The following DNMT3A variants were observed in gnomAD, a reference collection of about 807,000 sequenced individuals.
DNMT3A encodes the protein DNA (cytosine-5)-methyltransferase 3A.
DNMT3A carries 267 observed loss-of-function variants against 117.6 expected under a neutral mutation model. The ratio of observed to expected loss-of-function variants is 2.27; its 90% CI spans 2.05 to 2.51. DNMT3A has a LOEUF of 2.51. Among genes scored for constraint, DNMT3A ranks in the 30% most tolerant of loss-of-function variants. The pLI is 0.00. For synonymous variants in DNMT3A, 432 were observed against 474.8 expected (o/e 0.91, Z 1.17); for missense variants, 1,029 against 1,260.2 (o/e 0.82, Z 2.78).
intron 1 of DNMT3A, among the ~76,000 whole-genome samples, chr2:25,332,286 C>T (rs1166532504): frequency 2.6e-5 from 4 of 152,226 alleles, no homozygotes; most frequent in Admixed American, 6.5e-5. Context: ...CAGAAAGTGC[C>T]GTCGTCCACC....
chr2:25,261,438 CA>C (rs1299589500), intron 6 of DNMT3A, among the ~76,000 whole-genome samples: 501 of 30,122 alleles, frequency 0.017, 1 homozygote, highest in African/African-American at 0.053. Context: ...GACTCTGTCT[CA>C]AAAAAAAAAA....
intron 6 of DNMT3A, 63 bp from the exon 7 acceptor site, chr2:25,248,315 A>G (rs1675108916): frequency 6.5e-7 from 1 of 1,546,100 alleles, no homozygotes. Flanking sequence ...GCCACCTGAC[A>G]CTCAAGGGGA....
chr2:25,287,167 C>T (rs1416672143), intron 3 of DNMT3A, among the ~76,000 whole-genome samples: 1 of 152,158 alleles, frequency 6.6e-6, no homozygotes, highest in Non-Finnish European at 1.5e-5. Context: ...CACAGCACAC[C>T]CCCGAGATAC....
At chr2:25,321,450 C>A (rs1165417112) in intron 1 of DNMT3A, among the ~76,000 whole-genome samples, 4 of 152,194 alleles carry the variant, frequency 2.6e-5, no homozygotes, top group African/African-American at 7.2e-5. Context: ...ACACTGGGCC[C>A]ACCCAGATAA....
chr2:25,335,133 T>C (rs1399357705), intron 1 of DNMT3A, among the ~76,000 whole-genome samples: 1 of 152,228 alleles, frequency 6.6e-6, no homozygotes, highest in East Asian at 1.9e-4. Flanking sequence ...GATTACACTA[T>C]GAACTTTTTT....
chr2:25,247,691 C>T lies in DNMT3A; in HGVS notation c.914G>A (p.Trp305Ter), dbSNP rs765341003. 5.0e-6 allele frequency: 8 copies of T among 1,613,714 alleles called. No homozygotes were observed. The highest frequency in any genetic ancestry group is 1.3e-5 in the African/African-American group (1 of 74,894). The change falls in exon 8 of 23, where the codon TGG (tryptophan) becomes TAG (stop). Residue 305 changes from tryptophan (W) to a stop codon, truncating the protein, a stop_gained. Coordinates refer to ENST00000321117, the MANE Select transcript of DNMT3A (RefSeq NM_022552.5). LOFTEE classifies it high-confidence loss of function. This position sits in a 1 kb window ranked among gnomAD's most constrained non-coding sequence, Gnocchi z 5.6. ...LVWGKLRGFS[W>*]WPGRIVSWWM... ...CCAAGACACAATGCGGCCTGGCCAC[C>T]AGGAGAAGCCCCGCAGTTTCCCCCA...
chr2:25,248,407 A>G lies in DNMT3A; in HGVS notation c.640-155T>C, dbSNP rs537321320. On this transcript the variant is annotated intron_variant, in intron 6 of 22. Coordinates refer to ENST00000321117, the MANE Select transcript of DNMT3A (RefSeq NM_022552.5). ...CCAGCTGCCTTGCCGTGAAAAATGG[A>G]AAGACTTGAAGTAGAGAGGTGAACT... Among the ~76,000 whole-genome samples, 461 of 152,292 alleles carry G rather than the reference A, an allele frequency of 3.0e-3. 3 individuals carry two copies. The highest frequency in any genetic ancestry group is 0.011 in the African/African-American group (442 of 41,554).
chr2:25,232,971 A>C lies in DNMT3A; in HGVS notation c.*1308T>G, dbSNP rs1483812737. On this transcript the variant is annotated 3_prime_UTR_variant, in exon 23 of 23. Coordinates refer to ENST00000321117, the MANE Select transcript of DNMT3A (RefSeq NM_022552.5). This position sits in a 1 kb window ranked among gnomAD's most constrained non-coding sequence, Gnocchi z 4.1. ...CAAAAGGCGACTTAGACAGGAAAGC[A>C]CCAGTACGTTTTGTATGTTTTTTTA... The C allele has an allele frequency of 4.3e-6, 1 of 232,764 alleles. No individual in the cohort carries two copies. Among genetic ancestry groups the C allele is most frequent in the Non-Finnish European group, 8.5e-6 (1 of 117,774 alleles). The allele number at this position is 232,764 out of a possible 1,614,324, so 14.4% of individuals were successfully genotyped here. A position where few individuals can be genotyped will look rare whatever the true frequency, so the allele number is the denominator to read the frequency against.
At chr2:25,291,256 T>G (rs1477643842) in intron 3 of DNMT3A, among the ~76,000 whole-genome samples, 1 of 152,242 alleles carries the variant, frequency 6.6e-6, no homozygotes, top group Non-Finnish European at 1.5e-5. Flanking sequence ...AACAGCTGCA[T>G]GTCCACGTAA....
intron 4 of DNMT3A, among the ~76,000 whole-genome samples, chr2:25,278,042 C>CAAACAG (rs59654713): frequency 0.13 from 18,712 of 146,234 alleles, 1,427 homozygotes; most frequent in Non-Finnish European, 0.17. Context: ...CACACACAGA[C>CAAACAG]ACACACGCTT....
At chr2:25,263,810 C>A (rs541174517) in intron 6 of DNMT3A, among the ~76,000 whole-genome samples, 1 of 152,208 alleles carries the variant, frequency 6.6e-6, no homozygotes, top group Non-Finnish European at 1.5e-5. Context: ...ACTGTCCCTG[C>A]CAAGCAGTCC....
chr2:25,246,126 C>G, intron 11 of DNMT3A, 34 bp downstream of exon 11: 1 of 1,614,180 alleles, frequency 6.2e-7, no homozygotes, highest in Non-Finnish European at 8.5e-7. Context: ...TGCAGGCCTC[C>G]TGGTGCCACC....
intron 6 of DNMT3A, among the ~76,000 whole-genome samples, chr2:25,255,171 ACAGT>A (rs1023929334): frequency 2.6e-4 from 39 of 152,176 alleles, no homozygotes; most frequent in Admixed American, 7.9e-4. Context: ...TGGTCAATGC[ACAGT>A]CAGACCCCAA....
In DNMT3A at chr2:25,277,454, G is replaced by A. The variant is rs544228945; in HGVS notation, c.449-1911C>T. Among the ~76,000 whole-genome samples the A allele has an allele frequency of 4.6e-5, 7 of 152,216 alleles. No homozygotes were observed. In the South Asian group the frequency reaches 1.4e-3, roughly 32 times the overall value. Reference sequence around the variant, plus strand: ...GGCCTGGGGGCGGCCTGGCGGTCCCGGCGGACCCTGACGCGGCGGGGCTCC... The same window carrying A: ...GGCCTGGGGGCGGCCTGGCGGTCCCAGCGGACCCTGACGCGGCGGGGCTCC... On this transcript the variant is annotated intron_variant, in intron 4 of 22. Transcript: ENST00000321117.
In DNMT3A at chr2:25,246,323, G is replaced by A. The variant is rs578183878; in HGVS notation, c.1280-14C>T. 1 of 1,589,986 alleles carries A rather than the reference G, an allele frequency of 6.3e-7. No homozygotes were observed. The highest frequency in any genetic ancestry group is 1.3e-5 in the African/African-American group (1 of 74,320). The stretch of plus-strand genomic sequence containing the variant: ...GATTCTTCTCTTCTGGAGGAGGAAA[G>A]CAGGTGCCAAGGTCAGTTACAGGCT... On this transcript the variant is annotated splice_polypyrimidine_tract_variant and intron_variant, in intron 10 of 22. Coordinates refer to ENST00000321117, the MANE Select transcript of DNMT3A (RefSeq NM_022552.5).
intron 6 of DNMT3A, among the ~76,000 whole-genome samples, chr2:25,248,909 C>T (rs1452106309): frequency 6.6e-6 from 1 of 152,080 alleles, no homozygotes; most frequent in Non-Finnish European, 1.5e-5. Context: ...GGTACATGTG[C>T]ACAACGTGCA....
rs2033666134 is a variant in DNMT3A, at chr2:25,304,141, C to A, written c.73-3898G>T. Among the ~76,000 whole-genome samples, 1 of 152,052 alleles carries A rather than the reference C, an allele frequency of 6.6e-6. No homozygotes were observed. Among genetic ancestry groups the A allele is most frequent in the Admixed American group, 6.6e-5 (1 of 15,262 alleles). On this transcript the variant is annotated intron_variant, in intron 2 of 22. Coordinates refer to ENST00000321117, the MANE Select transcript of DNMT3A (RefSeq NM_022552.5). The surrounding 1 kb of genome is among the most constrained non-coding windows in gnomAD (Gnocchi z 4.3). ...ATCTGTCAAGCCAGGGGACTGAATT[C>A]GTCCACACTTCCAGCGCAGAGGGGA...
chr2:25,241,708 C>A lies in DNMT3A; in HGVS notation c.1937-1G>T. ...CCCAAGTCCTTCAGCACCAGGAGCCCTGCACCAGCCAGCAGACAGCACCGT... is the reference window on the plus strand; with the variant it reads ...CCCAAGTCCTTCAGCACCAGGAGCCATGCACCAGCCAGCAGACAGCACCGT... On this transcript the variant is annotated splice_acceptor_variant, in intron 16 of 22. Coordinates refer to ENST00000321117, the MANE Select transcript of DNMT3A (RefSeq NM_022552.5). LOFTEE classifies it high-confidence loss of function. 1 of 1,613,530 alleles carries A rather than the reference C, an allele frequency of 6.2e-7. No homozygotes were observed. Among genetic ancestry groups the A allele is most frequent in the Non-Finnish European group, 8.5e-7 (1 of 1,179,802 alleles).
At position 25,341,896 on chromosome 2, in the gene DNMT3A, C is replaced by T; in HGVS notation, c.-248G>A. On this transcript the variant is annotated 5_prime_UTR_variant, in exon 1 of 23. Coordinates refer to ENST00000321117, the MANE Select transcript of DNMT3A (RefSeq NM_022552.5). ...CCGCGGCGCCGCGTCCCGGCTCGTCCTCTGCTCTCGCCGCCGCCGCCGCCC... is the reference window on the plus strand; with the variant it reads ...CCGCGGCGCCGCGTCCCGGCTCGTCTTCTGCTCTCGCCGCCGCCGCCGCCC... 2 of 980,354 alleles carry T rather than the reference C, an allele frequency of 2.0e-6. No homozygotes were observed. The highest frequency in any genetic ancestry group is 2.4e-6 in the Non-Finnish European group (2 of 827,912). 60.7% of individuals were successfully genotyped at this position (980,354 alleles called of 1,614,324 possible).
Sources: gnomAD v4.1 joint callset for allele counts (sites outside exome capture counted in the v4.1 genomes callset) on GRCh38, gnomAD v4.1.1 for gene constraint, Gnocchi (gnomAD v3.1) non-coding constraint, MANE v1.5 for transcripts, NCBI Gene and HGNC (gene_info 2026-07-23, HGNC 2026-07-21) for gene names.